The following PDE3A variants were observed in gnomAD, a reference collection of about 807,000 sequenced individuals.
The protein encoded by PDE3A is phosphodiesterase 3A.
A neutral mutation model predicts 98.3 loss-of-function variants in PDE3A; 43 were observed. That is an observed-to-expected ratio of 0.44 (90% confidence interval 0.34 to 0.56). The LOEUF is 0.56. Among genes scored for constraint, PDE3A ranks in the 20% least tolerant of loss-of-function variants. The pLI is 0.01. For missense variants in PDE3A, 1,427 were observed against 1,440.7 expected (o/e 0.99, Z 0.15); for synonymous variants, 663 against 567.9 (o/e 1.17, Z -2.38).
rs115414525 is a variant in PDE3A, at chr12:20,401,733, G to A, written c.960+31489G>A. ...AGCGCTGTATCTATTGCTGTCTTAC[G>A]GCACTTACATTCTCCGTCTTGGATT... On this transcript the variant is annotated intron_variant, in intron 1 of 15. Transcript: ENST00000359062. Among the ~76,000 whole-genome samples the A allele has an allele frequency of 1.6e-3, 246 of 152,102 alleles. 1 individual carries two copies. Among genetic ancestry groups the A allele is most frequent in the African/African-American group, 5.3e-3 (221 of 41,480 alleles).
chr12:20,648,009 C>T (rs1361919472), intron 12 of PDE3A, among the ~76,000 whole-genome samples: 1 of 151,536 alleles, frequency 6.6e-6, no homozygotes, highest in East Asian at 1.9e-4. Context: ...TTGTAGGCAG[C>T]TTCCCTTTTT....
intron 2 of PDE3A, among the ~76,000 whole-genome samples, chr12:20,602,028 T>A (rs1169212827): frequency 6.6e-6 from 1 of 152,218 alleles, no homozygotes; most frequent in Non-Finnish European, 1.5e-5. Flanking sequence ...GTTATTCCTA[T>A]CATTTTTTAA....
At chr12:20,549,422 C>T (rs1942140194) in intron 1 of PDE3A, among the ~76,000 whole-genome samples, 2 of 149,316 alleles carry the variant, frequency 1.3e-5, no homozygotes, top group Non-Finnish European at 3.0e-5. Context: ...AAAGAAAATA[C>T]ACTGAAATAA....
intron 1 of PDE3A, among the ~76,000 whole-genome samples, chr12:20,472,996 T>G (rs1227059495): frequency 6.6e-6 from 1 of 152,166 alleles, no homozygotes; most frequent in East Asian, 1.9e-4. Flanking sequence ...TTGTATGTGA[T>G]TTTATATGCA....
chr12:20,620,324 A>G (rs1272011756), intron 4 of PDE3A, among the ~76,000 whole-genome samples: 1 of 152,088 alleles, frequency 6.6e-6, no homozygotes, highest in Non-Finnish European at 1.5e-5. Flanking sequence ...TACGTAAATT[A>G]TAGATTGTAC....
intron 1 of PDE3A, among the ~76,000 whole-genome samples, chr12:20,465,558 C>T (rs1015769797): frequency 2.6e-4 from 39 of 151,996 alleles, no homozygotes; most frequent in African/African-American, 8.7e-4. Flanking sequence ...TACAGGTGCG[C>T]GCCACTGTGC....
intron 1 of PDE3A, among the ~76,000 whole-genome samples, chr12:20,374,385 G>T (rs1360806526): frequency 6.6e-6 from 1 of 152,070 alleles, no homozygotes; most frequent in Non-Finnish European, 1.5e-5. Flanking sequence ...AGTGTAAAAA[G>T]TTAAAACTGT....
At chr12:20,673,873 A>C (rs1945560653) in intron 15 of PDE3A, among the ~76,000 whole-genome samples, 1 of 151,948 alleles carries the variant, frequency 6.6e-6, no homozygotes, top group Non-Finnish European at 1.5e-5. Flanking sequence ...AAAAAATAAA[A>C]ATAAAAATAA....
In PDE3A at chr12:20,369,090, T is replaced by C. The variant is rs1442889158; in HGVS notation, c.-195T>C. ...CTTGAAGAAGTCTCATTGGAGCATC[T>C]AGCATTCTCCAGGAGTTATTCGAAA... On this transcript the variant is annotated 5_prime_UTR_variant, in exon 1 of 16. Transcript: ENST00000359062. 1.3e-5 allele frequency among the ~76,000 whole-genome samples: 2 copies of C among 152,164 alleles called. No individual in the cohort carries two copies. The highest frequency in any genetic ancestry group is 2.9e-5 in the Non-Finnish European group (2 of 68,032).
intron 15 of PDE3A, among the ~76,000 whole-genome samples, chr12:20,668,265 C>G (rs1945373918): frequency 6.6e-6 from 1 of 152,222 alleles, no homozygotes; most frequent in Admixed American, 6.5e-5. Flanking sequence ...GGCAGTGAGG[C>G]TGGGGGAGGG....
At chr12:20,571,236 A>G (rs1942795445) in intron 2 of PDE3A, among the ~76,000 whole-genome samples, 1 of 152,154 alleles carries the variant, frequency 6.6e-6, no homozygotes, top group Admixed American at 6.6e-5. Flanking sequence ...GATGAAAGAT[A>G]ATGAGAATAA....
intron 15 of PDE3A, among the ~76,000 whole-genome samples, chr12:20,669,427 A>C (rs2120406466): frequency 6.6e-6 from 1 of 151,472 alleles, no homozygotes; most frequent in East Asian, 1.9e-4. Context: ...ATGAAGGAAA[A>C]AATGTTAAGG....
chr12:20,371,730 G>A lies in PDE3A; in HGVS notation c.960+1486G>A, dbSNP rs188104146. On this transcript the variant is annotated intron_variant, in intron 1 of 15. Transcript: ENST00000359062. Reference sequence around the variant, plus strand: ...TCTTTAAGCTTACTCTAAGAGTGGAGGGGAAAACAGGCCACTGACTGATAG... The same window carrying A: ...TCTTTAAGCTTACTCTAAGAGTGGAAGGGAAAACAGGCCACTGACTGATAG... Among the ~76,000 whole-genome samples, 9 of 152,238 alleles carry A rather than the reference G, an allele frequency of 5.9e-5. No individual in the cohort carries two copies. In the East Asian group the frequency reaches 1.7e-3, roughly 29 times the overall value.
chr12:20,553,942 T>A (rs1321101772), intron 1 of PDE3A, among the ~76,000 whole-genome samples: 3 of 152,086 alleles, frequency 2.0e-5, no homozygotes, highest in Non-Finnish European at 1.5e-5. Flanking sequence ...TCATTTACAT[T>A]CAATTTTTTT....
chr12:20,618,347 TTTTA>T (rs60776341), intron 4 of PDE3A, among the ~76,000 whole-genome samples: 37,421 of 151,786 alleles, frequency 0.25, 4,714 homozygotes, highest in African/African-American at 0.3. Flanking sequence ...CTTTTAGCCC[TTTTA>T]TTTATTTATT....
intron 15 of PDE3A, among the ~76,000 whole-genome samples, chr12:20,661,804 T>C (rs1435418266): frequency 6.6e-6 from 1 of 152,112 alleles, no homozygotes; most frequent in Non-Finnish European, 1.5e-5. Flanking sequence ...GGTGGGGCAG[T>C]CATGCAGAAC....
intron 1 of PDE3A, among the ~76,000 whole-genome samples, chr12:20,489,438 T>A (rs897010927): frequency 1.3e-5 from 2 of 152,166 alleles, no homozygotes; most frequent in Non-Finnish European, 2.9e-5. Flanking sequence ...CATTTTGATT[T>A]AAAAAACATT....
chr12:20,471,062 G>A lies in PDE3A; in HGVS notation c.961-85598G>A, dbSNP rs890039282. Among the ~76,000 whole-genome samples the A allele has an allele frequency of 7.9e-5, 12 of 152,028 alleles. No individual in the cohort carries two copies. The South Asian group carries it at 8.3e-4, about 11-fold the overall frequency. ...TTGGATTTCAAGTCTCCAGAACTGC[G>A]AAACAATAAATTTCTGTGTTTTAAG... On this transcript the variant is annotated intron_variant, in intron 1 of 15. Coordinates refer to ENST00000359062, the MANE Select transcript of PDE3A (RefSeq NM_000921.5).
At chr12:20,614,258 A>G (rs1943945080) in intron 3 of PDE3A, among the ~76,000 whole-genome samples, 1 of 152,188 alleles carries the variant, frequency 6.6e-6, no homozygotes, top group Non-Finnish European at 1.5e-5. Flanking sequence ...ATGTAAAAGG[A>G]AGAAATTACA....
Sources: gnomAD v4.1 joint callset for allele counts (sites outside exome capture counted in the v4.1 genomes callset) on GRCh38, gnomAD v4.1.1 for gene constraint, MANE v1.5 for transcripts, NCBI Gene and HGNC (gene_info 2026-07-23, HGNC 2026-07-21) for gene names.